Variants in RYR3 observed in about 807,000 individuals in gnomAD.
RYR3 encodes the protein ryanodine receptor 3.
RYR3 carries 207 observed loss-of-function variants against 584.3 expected under a neutral mutation model. The observed-to-expected ratio is 0.35, with a 90% CI of 0.32 to 0.40. RYR3 has a LOEUF of 0.40. Among genes scored for constraint, RYR3 ranks in the 10% least tolerant of loss-of-function variants. RYR3 has a pLI of 1.00. For missense variants in RYR3, 5,616 were observed against 6,089.2 expected, an observed-to-expected ratio of 0.92 and a Z score of 2.59; for synonymous variants, 2,416 against 2,248.5, an observed-to-expected ratio of 1.07 and a Z score of -2.11.
chr15:33,545,420 C>CAT (rs1420454102), intron 8 of RYR3, among the ~76,000 whole-genome samples: 2 of 152,068 alleles, frequency 1.3e-5, no homozygotes, highest in African/African-American at 4.8e-5. Flanking sequence ...AGCAGACATG[C>CAT]ATGCCATCAT....
In RYR3 at chr15:33,864,204, A is replaced by C. The variant is rs748203403; in HGVS notation, c.14517+15A>C. ...ACACGGGTCAGGTGAGAAATTAAGA[A>C]TCATATACCCGTGTTAGATCTCCCT... On this transcript the variant is annotated intron_variant, in intron 103 of 103. Coordinates refer to ENST00000634891, the MANE Select transcript of RYR3 (RefSeq NM_001036.6). The C allele has an allele frequency of 3.8e-5, 61 of 1,598,910 alleles. No individual in the cohort carries two copies. In the East Asian group the frequency reaches 1.4e-3, roughly 36 times the overall value.
intron 55 of RYR3, among the ~76,000 whole-genome samples, chr15:33,749,560 G>A (rs933408502): frequency 2.6e-5 from 4 of 152,126 alleles, no homozygotes; most frequent in Non-Finnish European, 5.9e-5. Flanking sequence ...CCTTTAAGAC[G>A]TGATTATTTT....
intron 8 of RYR3, among the ~76,000 whole-genome samples, chr15:33,546,780 G>T (rs1216100517): frequency 6.6e-6 from 1 of 151,606 alleles, no homozygotes; most frequent in African/African-American, 2.4e-5. Context: ...ATTTTGAATC[G>T]ACTCATAATT....
At chr15:33,512,015 T>TG (rs1291692668) in intron 3 of RYR3, among the ~76,000 whole-genome samples, 1 of 152,120 alleles carries the variant, frequency 6.6e-6, no homozygotes, top group African/African-American at 2.4e-5. Context: ...CCTGACCTCA[T>TG]GATCCGCCCG....
chr15:33,826,459 T>A (rs750018566), intron 83 of RYR3, among the ~76,000 whole-genome samples, 190 bp downstream of exon 83: 40 of 152,218 alleles, frequency 2.6e-4, no homozygotes, highest in Non-Finnish European at 5.7e-4. Flanking sequence ...CCATTTACTC[T>A]CCTTATCCAG....
At chr15:33,328,843 T>G (rs958457741) in intron 1 of RYR3, among the ~76,000 whole-genome samples, 1 of 152,224 alleles carries the variant, frequency 6.6e-6, no homozygotes, top group Admixed American at 6.5e-5. Flanking sequence ...CTTCATCCTT[T>G]GCTTACTTTT....
intron 10 of RYR3, among the ~76,000 whole-genome samples, chr15:33,557,877 G>A (rs1243576843): frequency 1.3e-5 from 2 of 152,180 alleles, no homozygotes; most frequent in Non-Finnish European, 1.5e-5. Context: ...TGGAGGCAGA[G>A]GATAATGATT....
intron 99 of RYR3, among the ~76,000 whole-genome samples, chr15:33,858,368 C>T (rs1403810918): frequency 6.6e-6 from 1 of 152,078 alleles, no homozygotes; most frequent in East Asian, 1.9e-4. Flanking sequence ...CCACACCTGG[C>T]TAATTTTGTA....
Position 33,845,793 on chromosome 15 carries a change from C to A in RYR3, c.13497+731C>A, listed in dbSNP as rs527767332. 1.5e-4 allele frequency among the ~76,000 whole-genome samples: 23 copies of A among 152,336 alleles called. 1 individual carries two copies. The South Asian group carries it at 3.7e-3, about 25-fold the overall frequency. ...ACCTTTTCATTAGGTGGTAACCACT[C>A]AAGATCTCAGAAGAAAGCTTACTGA... On this transcript the variant is annotated intron_variant, in intron 93 of 103. Coordinates refer to ENST00000634891, the MANE Select transcript of RYR3 (RefSeq NM_001036.6).
At chr15:33,447,630 A>G (rs2046781580) in intron 1 of RYR3, among the ~76,000 whole-genome samples, 1 of 152,212 alleles carries the variant, frequency 6.6e-6, no homozygotes, top group Non-Finnish European at 1.5e-5. Context: ...AAAATTGTCC[A>G]GGATGGAGGC....
At position 33,425,801 on chromosome 15, in the gene RYR3, C is replaced by G. The variant is rs180834180; in HGVS notation, c.52-47618C>G. 7.5e-3 allele frequency among the ~76,000 whole-genome samples: 1,145 copies of G among 151,932 alleles called. 4 individuals carry two copies. Among genetic ancestry groups the G allele is most frequent in the Middle Eastern group, 0.021 (6 of 292 alleles). ...GGACTACAGGCGCCCGCCACCACAC[C>G]CGGCTAATTTTTTTGTATTTTTAGT... On this transcript the variant is annotated intron_variant, in intron 1 of 103. Coordinates refer to ENST00000634891, the MANE Select transcript of RYR3 (RefSeq NM_001036.6).
chr15:33,625,942 C>T (rs2060961732), intron 20 of RYR3, among the ~76,000 whole-genome samples: 1 of 152,156 alleles, frequency 6.6e-6, no homozygotes, highest in Non-Finnish European at 1.5e-5. Flanking sequence ...AAGTCTTCAG[C>T]TCAAAATAAT....
chr15:33,683,443 G>T (rs1459692471), intron 38 of RYR3, among the ~76,000 whole-genome samples: 1 of 152,224 alleles, frequency 6.6e-6, no homozygotes, highest in African/African-American at 2.4e-5. Context: ...TTATGAAAGA[G>T]ATTCATGTAT....
chr15:33,488,884 G>A (rs536663058), intron 2 of RYR3, among the ~76,000 whole-genome samples: 1 of 152,098 alleles, frequency 6.6e-6, no homozygotes, highest in South Asian at 2.1e-4. Context: ...AAAAACCCAA[G>A]TCATGTTACA....
chr15:33,658,301 G>A lies in RYR3; in HGVS notation c.4309-1419G>A, dbSNP rs9888646. Among the ~76,000 whole-genome samples the A allele has an allele frequency of 8.9e-3, 1,361 of 152,248 alleles. 14 individuals carry two copies. Among genetic ancestry groups the A allele is most frequent in the African/African-American group, 0.031 (1,298 of 41,528 alleles). Reference sequence around the variant, plus strand: ...TGTTTTCATGCTGGCTGCAGCCAGGGGCCACTCTCCCCGCCTTCCGCCCCC... The same window carrying A: ...TGTTTTCATGCTGGCTGCAGCCAGGAGCCACTCTCCCCGCCTTCCGCCCCC... On this transcript the variant is annotated intron_variant, in intron 32 of 103. Coordinates refer to ENST00000634891, the MANE Select transcript of RYR3 (RefSeq NM_001036.6).
chr15:33,701,095 G>A lies in RYR3; in HGVS notation c.6483+15G>A. 2 of 1,580,436 alleles carry A rather than the reference G, an allele frequency of 1.3e-6. No homozygotes were observed. The highest frequency in any genetic ancestry group is 1.7e-6 in the Non-Finnish European group (2 of 1,152,188). On this transcript the variant is annotated intron_variant, in intron 42 of 103. Transcript: ENST00000634891. ...ACCTCGAGAAGGTAACCGGCCCTTG[G>A]GGTGGCAGTGTGGTGTTCTCTTCGG...
intron 3 of RYR3, among the ~76,000 whole-genome samples, chr15:33,522,716 T>C (rs1466344887): frequency 6.6e-6 from 1 of 152,116 alleles, no homozygotes; most frequent in Non-Finnish European, 1.5e-5. Context: ...ACTGGGCTCT[T>C]TGGGGTTTCA....
intron 1 of RYR3, among the ~76,000 whole-genome samples, chr15:33,432,697 T>TGTGTGTGTGTGTGTGTGTG (rs1555469372): frequency 7.4e-5 from 11 of 148,994 alleles, no homozygotes; most frequent in African/African-American, 2.3e-4. Context: ...TGTGTGTGTG[T>TGTGTGTGTGTGTGTGTGTG]TTAAAGTAGA....
At chr15:33,591,555 G>T (rs1054093091) in intron 16 of RYR3, among the ~76,000 whole-genome samples, 1 of 152,096 alleles carries the variant, frequency 6.6e-6, no homozygotes, top group Non-Finnish European at 1.5e-5. Flanking sequence ...GTGTTATTTG[G>T]TAAAAAGAAT....
Sources: allele counts gnomAD v4.1 joint callset (sites outside exome capture counted in the v4.1 genomes callset), GRCh38; gene constraint gnomAD v4.1.1; transcripts MANE v1.5; gene names NCBI Gene and HGNC (gene_info 2026-07-23, HGNC 2026-07-21).